Variants in CSMD3 observed in about 807,000 individuals in gnomAD.
The protein encoded by CSMD3 is CUB and Sushi multiple domains 3.
Under a neutral mutation model 435.2 loss-of-function variants are expected in CSMD3, and 177 were observed. The observed-to-expected ratio is 0.41, with a 90% CI of 0.36 to 0.46. The LOEUF is 0.46. Among genes scored for constraint, CSMD3 ranks in the 20% least tolerant of loss-of-function variants. The pLI is 0.34. For missense variants in CSMD3, 4,265 were observed against 4,504.6 expected (o/e 0.95, Z 1.52); for synonymous variants, 1,656 against 1,520.5 (o/e 1.09, Z -2.07).
intron 61 of CSMD3, among the ~76,000 whole-genome samples, chr8:112,262,046 C>A (rs1327426994): frequency 1.3e-5 from 2 of 151,724 alleles, no homozygotes; most frequent in Non-Finnish European, 2.9e-5. Flanking sequence ...TTCACTTTTT[C>A]ATTTGTGGGT....
At chr8:113,297,953 C>T (rs1355335765) in intron 2 of CSMD3, among the ~76,000 whole-genome samples, 1 of 151,836 alleles carries the variant, frequency 6.6e-6, no homozygotes, top group Non-Finnish European at 1.5e-5. Context: ...GCAGAAGAGA[C>T]AATATGTAGC....
chr8:112,989,881 C>T (rs1012381040), intron 6 of CSMD3, among the ~76,000 whole-genome samples: 1 of 151,982 alleles, frequency 6.6e-6, no homozygotes, highest in Non-Finnish European at 1.5e-5. Flanking sequence ...GAATAATCCT[C>T]ATATGTCAAG....
At chr8:113,166,012 G>T (rs1386675775) in intron 4 of CSMD3, among the ~76,000 whole-genome samples, 3 of 152,016 alleles carry the variant, frequency 2.0e-5, no homozygotes, top group Non-Finnish European at 4.4e-5. Context: ...AACACATATT[G>T]TTTATATAAG....
At chr8:113,248,672 A>G (rs895843236) in intron 3 of CSMD3, among the ~76,000 whole-genome samples, 3 of 151,242 alleles carry the variant, frequency 2.0e-5, no homozygotes. Context: ...TCAAAGAATG[A>G]CAAATTCTAA....
chr8:112,290,755 G>T (rs1010887998), intron 56 of CSMD3, among the ~76,000 whole-genome samples: 2 of 151,972 alleles, frequency 1.3e-5, no homozygotes, highest in African/African-American at 4.8e-5. Context: ...TTCAGTCTAT[G>T]AAATTGTTCT....
chr8:113,196,288 T>C lies in CSMD3; in HGVS notation c.515-22372A>G, dbSNP rs771235222. 2.0e-5 allele frequency among the ~76,000 whole-genome samples: 3 copies of C among 151,180 alleles called. No individual in the cohort carries two copies. In the Admixed American group the frequency reaches 2.0e-4, roughly 10 times the overall value. Reference sequence around the variant, plus strand: ...TTTGATTTGGCTCTTCAATTATGCATAAAAACTCACTGGGTAAAGATGGAA... The same window carrying C: ...TTTGATTTGGCTCTTCAATTATGCACAAAAACTCACTGGGTAAAGATGGAA... On this transcript the variant is annotated intron_variant, in intron 3 of 70. Coordinates refer to ENST00000297405, the MANE Select transcript of CSMD3 (RefSeq NM_198123.2).
chr8:112,589,837 G>A (rs1163923755), intron 22 of CSMD3, among the ~76,000 whole-genome samples: 2 of 152,070 alleles, frequency 1.3e-5, no homozygotes, highest in Non-Finnish European at 2.9e-5. Context: ...CGGTAAAGGC[G>A]AGTTGAAAAA....
intron 9 of CSMD3, among the ~76,000 whole-genome samples, chr8:112,925,321 G>C (rs2082874959): frequency 6.6e-6 from 1 of 151,868 alleles, no homozygotes; most frequent in African/African-American, 2.4e-5. Context: ...TCCTCTGGGA[G>C]GCCAAGGAGG....
intron 22 of CSMD3, among the ~76,000 whole-genome samples, chr8:112,620,399 T>C (rs574703207): frequency 6.6e-6 from 1 of 152,264 alleles, no homozygotes; most frequent in Admixed American, 6.5e-5. Flanking sequence ...AAATATCTGA[T>C]GTCTGTGTTA....
intron 23 of CSMD3, among the ~76,000 whole-genome samples, chr8:112,586,327 A>G (rs1327638518): frequency 6.6e-6 from 1 of 151,514 alleles, no homozygotes; most frequent in Non-Finnish European, 1.5e-5. Flanking sequence ...CTATTTTAAA[A>G]ACATTTAAAT....
At chr8:112,530,673 A>G (rs1563665583) in intron 27 of CSMD3, among the ~76,000 whole-genome samples, 2 of 152,330 alleles carry the variant, frequency 1.3e-5, no homozygotes, top group East Asian at 3.9e-4. Context: ...AAAGGATTCT[A>G]CACAGCAAAC....
At chr8:112,911,871 T>C (rs1243289986) in intron 10 of CSMD3, among the ~76,000 whole-genome samples, 5 of 148,104 alleles carry the variant, frequency 3.4e-5, no homozygotes. Context: ...ATCCATTATG[T>C]ATAACATTAT....
intron 4 of CSMD3, among the ~76,000 whole-genome samples, chr8:113,169,341 T>C (rs775275033): frequency 6.6e-6 from 1 of 152,144 alleles, no homozygotes; most frequent in Admixed American, 6.6e-5. Flanking sequence ...TAATTTACCA[T>C]ACAACATCTA....
intron 10 of CSMD3, among the ~76,000 whole-genome samples, chr8:112,917,359 T>C (rs1304931548): frequency 1.3e-5 from 2 of 151,786 alleles, no homozygotes; most frequent in Non-Finnish European, 2.9e-5. Context: ...AATATTGAAA[T>C]AGGAAAGAAT....
At chr8:112,616,500 T>C (rs1563772381) in intron 22 of CSMD3, among the ~76,000 whole-genome samples, 2 of 152,130 alleles carry the variant, frequency 1.3e-5, no homozygotes, top group Non-Finnish European at 2.9e-5. Context: ...ATTATGGCAT[T>C]GTCAAGTAGT....
chr8:112,885,318 C>T (rs2081558524), intron 10 of CSMD3, among the ~76,000 whole-genome samples: 1 of 151,242 alleles, frequency 6.6e-6, no homozygotes, highest in Non-Finnish European at 1.5e-5. Flanking sequence ...AAAGATTGAG[C>T]TGCAATAGTC....
intron 5 of CSMD3, among the ~76,000 whole-genome samples, chr8:113,019,652 A>C (rs1420328841): frequency 6.9e-6 from 1 of 144,820 alleles, no homozygotes; most frequent in African/African-American, 2.6e-5. Flanking sequence ...ATATGTATTG[A>C]TACAATAAAG....
At chr8:112,257,332 A>G (rs1290135556) in intron 61 of CSMD3, among the ~76,000 whole-genome samples, 1 of 152,214 alleles carries the variant, frequency 6.6e-6, no homozygotes, top group African/African-American at 2.4e-5. Context: ...GAAGACAGGA[A>G]GTCAAATTGT....
intron 32 of CSMD3, among the ~76,000 whole-genome samples, chr8:112,446,160 A>G (rs1209544568): frequency 6.6e-6 from 1 of 152,242 alleles, no homozygotes; most frequent in East Asian, 1.9e-4. Context: ...TCTGTAGTCT[A>G]GAAACACAGC....
Sources: gnomAD v4.1 joint callset for allele counts (sites outside exome capture counted in the v4.1 genomes callset) on GRCh38, gnomAD v4.1.1 for gene constraint, MANE v1.5 for transcripts, NCBI Gene and HGNC (gene_info 2026-07-23, HGNC 2026-07-21) for gene names.